SUSD4: variants seen among roughly 807,000 people sequenced by gnomAD.
SUSD4 encodes sushi domain containing 4, also known as sushi domain-containing protein 4.
In SUSD4, 41 loss-of-function variants were observed where a neutral mutation model predicts 50.5. That is an observed-to-expected ratio of 0.81 (90% confidence interval 0.63 to 1.05). The LOEUF is 1.05. Among genes scored for constraint, SUSD4 ranks in the 50% least tolerant of loss-of-function variants. The probability of loss-of-function intolerance (pLI) is 0.00; values close to 1 mark genes in which losing one functional copy is unlikely to be tolerated. For synonymous variants in SUSD4, 257 were observed against 257.3 expected, an observed-to-expected ratio of 1.00 and a Z score of 0.01; for missense variants, 580 against 634.7, an observed-to-expected ratio of 0.91 and a Z score of 0.93.
Position 223,220,992 on chromosome 1 carries a change from T to C in SUSD4, c.*1200A>G. The stretch of plus-strand genomic sequence containing the variant: ...AAGGAATCAACTCCACAGATCAACA[T>C]GTATTTGAAGAGACACTTCAGGACA... On this transcript the variant is annotated 3_prime_UTR_variant, in exon 9 of 9. Coordinates refer to ENST00000366878, the MANE Select transcript of SUSD4 (RefSeq NM_017982.4). 1 of 400,816 alleles carries C rather than the reference T, an allele frequency of 2.5e-6. No individual in the cohort carries two copies. The highest frequency in any genetic ancestry group is 4.4e-6 in the Non-Finnish European group (1 of 226,250). 24.8% of individuals were successfully genotyped at this position (400,816 alleles called of 1,614,324 possible).
At chr1:223,330,877 A>C (rs570679866) in intron 2 of SUSD4, among the ~76,000 whole-genome samples, 1 of 152,336 alleles carries the variant, frequency 6.6e-6, no homozygotes, top group South Asian at 2.1e-4. Context: ...ACATCACAGA[A>C]GTATTCACCT....
In SUSD4 at chr1:223,227,871, G is replaced by T; in HGVS notation, c.917-133C>A. The T allele has an allele frequency of 8.6e-7, 1 of 1,160,386 alleles. No homozygotes were observed. The highest frequency in any genetic ancestry group is 1.6e-5 in the South Asian group (1 of 62,998). The allele number at this position is 1,160,386 out of a possible 1,614,324, so 71.9% of individuals were successfully genotyped here. A position where few individuals can be genotyped will look rare whatever the true frequency, so the allele number is the denominator to read the frequency against. The stretch of plus-strand genomic sequence containing the variant: ...AAGGTGCCTCTGACCCCCAGGGCTC[G>T]GCAGAGATACCATGTGCCCCTGTAG... On this transcript the variant is annotated intron_variant, in intron 6 of 8. Coordinates refer to ENST00000366878, the MANE Select transcript of SUSD4 (RefSeq NM_017982.4). The surrounding 1 kb of genome is among the most constrained non-coding windows in gnomAD (Gnocchi z 4.5).
chr1:223,257,269 C>T (rs925551882), intron 5 of SUSD4, among the ~76,000 whole-genome samples: 22 of 151,884 alleles, frequency 1.4e-4, no homozygotes, highest in African/African-American at 4.6e-4. Context: ...CTTGGGAGGC[C>T]GAGGTGGGAG....
chr1:223,242,821 T>C (rs1417419102), intron 5 of SUSD4, among the ~76,000 whole-genome samples: 1 of 152,196 alleles, frequency 6.6e-6, no homozygotes, highest in African/African-American at 2.4e-5. Flanking sequence ...GTTTGTTTTC[T>C]GGGATGGGGA....
intron 2 of SUSD4, among the ~76,000 whole-genome samples, chr1:223,351,481 T>C (rs1374928487): frequency 6.6e-6 from 1 of 152,132 alleles, no homozygotes; most frequent in South Asian, 2.1e-4. Flanking sequence ...CACACCATGA[T>C]TCTAGTGCTC....
rs773545944 is a variant in SUSD4 at position 223,246,469 on chromosome 1, C to T, written c.725-17081G>A. On this transcript the variant is annotated intron_variant, in intron 5 of 8. Coordinates refer to ENST00000366878, the MANE Select transcript of SUSD4 (RefSeq NM_017982.4). ...AGGCCGGAGGGTCCAGGGAGAGCCCCGCCCCCACCCCAGAGCTCTTGATCT... is the reference window on the plus strand; with the variant it reads ...AGGCCGGAGGGTCCAGGGAGAGCCCTGCCCCCACCCCAGAGCTCTTGATCT... Among the ~76,000 whole-genome samples, 228 of 151,974 alleles carry T rather than the reference C, an allele frequency of 1.5e-3. 1 individual carries two copies. The highest frequency in any genetic ancestry group is 1.9e-3 in the East Asian group (10 of 5,170).
In SUSD4 at chr1:223,332,729, G is replaced by A. The variant is rs1667243253; in HGVS notation, c.148+30549C>T. 6.6e-6 allele frequency among the ~76,000 whole-genome samples: 1 copy of A among 152,130 alleles called. No homozygotes were observed. Among genetic ancestry groups the A allele is most frequent in the South Asian group, 2.1e-4 (1 of 4,814 alleles). ...CTCTCCTTCAGGGCGTGTGTCACAG[G>A]GAAACGGAACCAGGGGTAAAACTTC... On this transcript the variant is annotated intron_variant, in intron 2 of 8. Transcript: ENST00000366878. This position sits in a 1 kb window ranked among gnomAD's most constrained non-coding sequence, Gnocchi z 4.0.
rs949599465 is a variant in SUSD4, at chr1:223,227,791, C to T, written c.917-53G>A. 1 of 1,542,246 alleles carries T rather than the reference C, an allele frequency of 6.5e-7. No individual in the cohort carries two copies. Among genetic ancestry groups the T allele is most frequent in the East Asian group, 2.4e-5 (1 of 41,550 alleles). On this transcript the variant is annotated intron_variant, in intron 6 of 8. Transcript: ENST00000366878. This position sits in a 1 kb window ranked among gnomAD's most constrained non-coding sequence, Gnocchi z 4.5. ...TGAGGCTCCCAGACCATGAGAGGTG[C>T]CGAGGTTCCCCGTGGGCTCATTTGC...
intron 5 of SUSD4, among the ~76,000 whole-genome samples, chr1:223,243,286 T>C (rs1660709015): frequency 6.6e-6 from 1 of 152,184 alleles, no homozygotes; most frequent in African/African-American, 2.4e-5. Context: ...GCTGCCCGCC[T>C]TGCCCTGGAT....
intron 2 of SUSD4, among the ~76,000 whole-genome samples, chr1:223,361,777 T>C (rs899880353): frequency 1.2e-4 from 18 of 152,194 alleles, no homozygotes; most frequent in African/African-American, 2.2e-4. Context: ...TTTGAGAGAA[T>C]GAAAGCTAGA....
rs777365099 is a variant in SUSD4, at chr1:223,363,326, G to A, written c.100C>T (p.Leu34=). The A allele has an allele frequency of 6.2e-7, 1 of 1,610,966 alleles. No homozygotes were observed. The highest frequency in any genetic ancestry group is 1.1e-5 in the South Asian group (1 of 90,032). Residue 34 remains leucine, a synonymous_variant, in exon 2 of 9, where the codon CTG becomes TTG. Coordinates refer to ENST00000366878, the MANE Select transcript of SUSD4 (RefSeq NM_017982.4). ...AAGCACAGCGCCAGCTGAAACCACA[G>A]GATCACGGCCAAGAGTCTCTGGGGG... ...QSPQRLLAVI[L]WFQLALCFGP...
Position 223,335,127 on chromosome 1 carries a change from G to A in SUSD4, c.148+28151C>T, listed in dbSNP as rs1168745646. Among the ~76,000 whole-genome samples, 3 of 152,128 alleles carry A rather than the reference G, an allele frequency of 2.0e-5. No homozygotes were observed. The East Asian group carries it at 5.8e-4, about 29-fold the overall frequency. On this transcript the variant is annotated intron_variant, in intron 2 of 8. Coordinates refer to ENST00000366878, the MANE Select transcript of SUSD4 (RefSeq NM_017982.4). Reference sequence around the variant, plus strand: ...TTTATTTACCCACTTGTTGACTGATGGGCATTTGGGTTGGTTCCACATTTT... The same window carrying A: ...TTTATTTACCCACTTGTTGACTGATAGGCATTTGGGTTGGTTCCACATTTT...
At chr1:223,303,562 C>A (rs1466755967) in intron 2 of SUSD4, among the ~76,000 whole-genome samples, 1 of 152,216 alleles carries the variant, frequency 6.6e-6, no homozygotes, top group African/African-American at 2.4e-5. Flanking sequence ...ATCTGGCCAG[C>A]AGCCCGCAAT....
chr1:223,344,131 T>C (rs186360188), intron 2 of SUSD4, among the ~76,000 whole-genome samples: 5 of 152,358 alleles, frequency 3.3e-5, no homozygotes, highest in Non-Finnish European at 5.9e-5. Flanking sequence ...CCTTCAGAAC[T>C]GTCTTCTCAA....
rs925224105 is a variant in SUSD4, at chr1:223,236,546, CT to C, written c.725-7159del. The stretch of plus-strand genomic sequence containing the variant: ...GGAAGAGTGTAAGGTCTGTGTCTAG[CT>C]TTTTTTTTTTTTGTTTTTGTATGTG... On this transcript the variant is annotated intron_variant, in intron 5 of 8. Transcript: ENST00000366878. Among the ~76,000 whole-genome samples, 1,292 of 141,734 alleles carry C rather than the reference CT, an allele frequency of 9.1e-3. 4 individuals carry two copies. The highest frequency in any genetic ancestry group is 0.013 in the Non-Finnish European group (846 of 64,240). The allele number at this position is 141,734 out of a possible 152,430, so 93.0% of individuals were successfully genotyped here.
At chr1:223,262,129 G>C (rs1449044735) in intron 5 of SUSD4, among the ~76,000 whole-genome samples, 1 of 152,162 alleles carries the variant, frequency 6.6e-6, no homozygotes, top group Non-Finnish European at 1.5e-5. Flanking sequence ...TGGGGGTGAG[G>C]GACAGCTGCA....
intron 2 of SUSD4, among the ~76,000 whole-genome samples, chr1:223,303,605 T>A (rs1180155245): frequency 2.0e-5 from 3 of 152,164 alleles, no homozygotes; most frequent in Non-Finnish European, 2.9e-5. Context: ...CCCAGGTGGA[T>A]CGGCAGGTCG....
At chr1:223,365,067 G>A (rs1669241021), upstream of SUSD4, among the ~76,000 whole-genome samples, 1 of 152,124 alleles carries the variant, frequency 6.6e-6, no homozygotes, top group Admixed American at 6.5e-5. Flanking sequence ...CGGGGGTAGC[G>A]GGTGATTGGT....
intron 2 of SUSD4, among the ~76,000 whole-genome samples, chr1:223,334,094 G>C (rs1325900092): frequency 3.9e-5 from 6 of 151,998 alleles, no homozygotes; most frequent in Non-Finnish European, 8.8e-5. Context: ...CAATTTGAAA[G>C]GCAACCTATG....
Sources: allele counts gnomAD v4.1 joint callset (sites outside exome capture counted in the v4.1 genomes callset), GRCh38; gene constraint gnomAD v4.1.1; non-coding constraint Gnocchi (gnomAD v3.1); transcripts MANE v1.5; gene names NCBI Gene and HGNC (gene_info 2026-07-23, HGNC 2026-07-21).